The following NRG1 variants were observed in gnomAD, a reference collection of about 807,000 sequenced individuals.
NRG1 encodes the protein pro-neuregulin-1, membrane-bound isoform.
In NRG1, 18 loss-of-function variants were observed where a neutral mutation model predicts 63.8. That is an observed-to-expected ratio of 0.28 (90% CI 0.19 to 0.42). The LOEUF is 0.42. Among genes scored for constraint, NRG1 ranks in the 10% least tolerant of loss-of-function variants. NRG1 has a pLI of 1.00. For missense variants in NRG1, 762 were observed against 814.7 expected (o/e 0.94, Z 0.79); for synonymous variants, 302 against 301.3 (o/e 1.00, Z -0.02).
At chr8:32,019,579 CTTTG>C (rs950741424) in intron 1 of NRG1, among the ~76,000 whole-genome samples, 4 of 151,918 alleles carry the variant, frequency 2.6e-5, no homozygotes, top group African/African-American at 9.7e-5. Flanking sequence ...GTGTTTAGTT[CTTTG>C]TGTTTGTTTG....
chr8:32,108,345 G>A (rs1249449599), intron 1 of NRG1, among the ~76,000 whole-genome samples: 2 of 152,158 alleles, frequency 1.3e-5, no homozygotes, highest in Non-Finnish European at 2.9e-5. Flanking sequence ...GTGCCAGCAG[G>A]TTCCATCATC....
intron 1 of NRG1, among the ~76,000 whole-genome samples, chr8:32,177,331 G>A (rs546424673): frequency 7.3e-5 from 11 of 150,818 alleles, no homozygotes; most frequent in Non-Finnish European, 8.9e-5. Flanking sequence ...CCTGTTGTGG[G>A]GTGGTGGGAG....
chr8:31,906,764 C>T (rs13266217), intron 1 of NRG1, among the ~76,000 whole-genome samples: 30,404 of 151,498 alleles, frequency 0.2, 3,432 homozygotes, highest in Non-Finnish European at 0.24. Context: ...TGTGGAGGGC[C>T]GTGTTTTTAA....
intron 1 of NRG1, among the ~76,000 whole-genome samples, chr8:32,113,326 G>C (rs189429040): frequency 6.6e-6 from 1 of 152,020 alleles, no homozygotes; most frequent in African/African-American, 2.4e-5. Flanking sequence ...CCTTTGAAAC[G>C]TATCTCCAAT....
At chr8:32,770,864 A>G (rs1831738329), downstream of NRG1, among the ~76,000 whole-genome samples, 1 of 152,198 alleles carries the variant, frequency 6.6e-6, no homozygotes, top group African/African-American at 2.4e-5. Context: ...CATAGCGAGT[A>G]TTCAAATGCC....
intron 5 of NRG1, among the ~76,000 whole-genome samples, chr8:32,687,036 T>C (rs1024194753): frequency 5.9e-5 from 9 of 152,168 alleles, no homozygotes; most frequent in African/African-American, 2.2e-4. Flanking sequence ...GGGTGCCAGA[T>C]TGAGGAGTCT....
chr8:31,880,818 A>C (rs1387089002), intron 1 of NRG1, among the ~76,000 whole-genome samples: 2 of 152,162 alleles, frequency 1.3e-5, no homozygotes, highest in African/African-American at 2.4e-5. Context: ...GTTATACAAA[A>C]TATTTGAATG....
intron 1 of NRG1, among the ~76,000 whole-genome samples, chr8:31,880,399 C>T (rs982579126): frequency 4.6e-5 from 7 of 152,108 alleles, no homozygotes; most frequent in Non-Finnish European, 7.4e-5. Context: ...CATGAATTAA[C>T]ATTATATTTC....
intron 1 of NRG1, among the ~76,000 whole-genome samples, chr8:32,578,324 A>G (rs1840035198): frequency 6.6e-6 from 1 of 152,128 alleles, no homozygotes; most frequent in Non-Finnish European, 1.5e-5. Flanking sequence ...TTCATGTGTT[A>G]TAATACTAAG....
At chr8:31,807,465 A>G (rs911308206) in intron 1 of NRG1, among the ~76,000 whole-genome samples, 11 of 152,176 alleles carry the variant, frequency 7.2e-5, no homozygotes, top group Non-Finnish European at 1.3e-4. Context: ...GTGCTTGATC[A>G]TAGAAAGGGC....
At chr8:31,685,056 C>T (rs191294204) in intron 1 of NRG1, among the ~76,000 whole-genome samples, 108 of 152,186 alleles carry the variant, frequency 7.1e-4, no homozygotes, top group Non-Finnish European at 1.3e-3. Context: ...TTCATATGCT[C>T]GTTTTTCTTA....
intron 1 of NRG1, among the ~76,000 whole-genome samples, chr8:31,949,229 G>A (rs1464913163): frequency 1.3e-5 from 2 of 152,044 alleles, no homozygotes; most frequent in African/African-American, 4.8e-5. Flanking sequence ...TACCTATTTT[G>A]CAGATGAAGA....
intron 1 of NRG1, among the ~76,000 whole-genome samples, chr8:31,706,296 G>A (rs1811146929): frequency 6.6e-6 from 1 of 152,002 alleles, no homozygotes; most frequent in African/African-American, 2.4e-5. Flanking sequence ...TACAAAAAAT[G>A]TAGCACATTT....
chr8:32,082,458 A>G (rs1827613327), intron 1 of NRG1, among the ~76,000 whole-genome samples: 1 of 152,088 alleles, frequency 6.6e-6, no homozygotes, highest in Admixed American at 6.6e-5. Context: ...TATTAGTGAG[A>G]ACATGTAGTA....
rs535296829 is a variant in NRG1 at position 32,548,798 on chromosome 8, G to A, written c.72G>A (p.Pro24=). The A allele has an allele frequency of 3.2e-5, 51 of 1,581,674 alleles. No homozygotes were observed. In the East Asian group the frequency reaches 9.8e-4, roughly 30 times the overall value. Residue 24 remains proline (P), a synonymous_variant, in exon 1 of 12, where the codon CCG becomes CCA. Transcript: ENST00000356819. Reference sequence around the variant, plus strand: ...AGGAGCGAGGCTCCGGCAAGAAGCCGGAGTCCGCGGCGGGCAGCCAGAGCC... The same window carrying A: ...AGGAGCGAGGCTCCGGCAAGAAGCCAGAGTCCGCGGCGGGCAGCCAGAGCC...
intron 1 of NRG1, among the ~76,000 whole-genome samples, chr8:32,595,312 C>A (rs1241330733): frequency 1.3e-5 from 2 of 152,056 alleles, no homozygotes; most frequent in African/African-American, 4.8e-5. Flanking sequence ...CCCTCAGCCT[C>A]CCAGGTAGCC....
intron 1 of NRG1, among the ~76,000 whole-genome samples, chr8:32,466,523 G>A (rs1009259840): frequency 2.6e-5 from 4 of 152,104 alleles, no homozygotes; most frequent in Non-Finnish European, 5.9e-5. Flanking sequence ...TTTCTTCAAA[G>A]TAAAATGAAG....
At chr8:32,524,861 C>T (rs1033298051) in intron 1 of NRG1, among the ~76,000 whole-genome samples, 2 of 152,144 alleles carry the variant, frequency 1.3e-5, no homozygotes, top group Non-Finnish European at 2.9e-5. Context: ...ACGTATTAAC[C>T]GCTCATCACA....
chr8:31,643,930 A>G (rs1804044948), intron 1 of NRG1, among the ~76,000 whole-genome samples: 1 of 152,236 alleles, frequency 6.6e-6, no homozygotes, highest in African/African-American at 2.4e-5. Flanking sequence ...AAGCCAATAT[A>G]AGTATTTTAT....
Sources: allele counts gnomAD v4.1 joint callset (sites outside exome capture counted in the v4.1 genomes callset), GRCh38; gene constraint gnomAD v4.1.1; transcripts MANE v1.5; gene names NCBI Gene and HGNC (gene_info 2026-07-23, HGNC 2026-07-21).